Variants in MSRA observed in about 807,000 individuals in gnomAD.
The protein encoded by MSRA is methionine sulfoxide reductase A, also known as mitochondrial peptide methionine sulfoxide reductase.
In MSRA, 54 loss-of-function variants were observed where a neutral mutation model predicts 31.3. That is an observed-to-expected ratio of 1.73 (90% confidence interval 1.39 to 2.17). The LOEUF (loss-of-function observed/expected upper bound fraction) is 2.17. Among genes scored for constraint, MSRA ranks in the 30% most tolerant of loss-of-function variants. The probability of loss-of-function intolerance (pLI) is 0.00; values close to 1 mark genes in which losing one functional copy is unlikely to be tolerated. For synonymous variants in MSRA, 169 were observed against 116.5 expected (o/e 1.45, Z -2.90); for missense variants, 507 against 300.9 (o/e 1.69, Z -5.07).
Position 10,112,975 on chromosome 8 carries a change from C to A in MSRA, c.142+58317C>A, listed in dbSNP as rs1415750489. On this transcript the variant is annotated intron_variant, in intron 1 of 5. Transcript: ENST00000317173. ...CACCCCGTCTAACATGGCTCCTTAC[C>A]CCTGCTGGTCCATAACAGTGTCACC... Among the ~76,000 whole-genome samples the A allele has an allele frequency of 2.6e-5, 4 of 152,222 alleles. No homozygotes were observed. In the East Asian group the frequency reaches 7.8e-4, roughly 30 times the overall value.
At chr8:10,084,251 C>T (rs1368723910) in intron 1 of MSRA, among the ~76,000 whole-genome samples, 1 of 152,202 alleles carries the variant, frequency 6.6e-6, no homozygotes, top group African/African-American at 2.4e-5. Context: ...CATTTCTGAC[C>T]TGGGCCTTAG....
chr8:10,361,578 G>A (rs1322762481), intron 5 of MSRA, among the ~76,000 whole-genome samples: 1 of 152,058 alleles, frequency 6.6e-6, no homozygotes, highest in Non-Finnish European at 1.5e-5. Flanking sequence ...CTGCAAACTC[G>A]GGATGTAAAC....
At chr8:10,134,907 C>T (rs776460866) in intron 1 of MSRA, among the ~76,000 whole-genome samples, 8 of 152,184 alleles carry the variant, frequency 5.3e-5, no homozygotes, top group Non-Finnish European at 7.3e-5. Flanking sequence ...GCTCTTGCCC[C>T]GGAGTGTTTG....
intron 3 of MSRA, among the ~76,000 whole-genome samples, chr8:10,286,431 C>A (rs1292471722): frequency 6.6e-5 from 10 of 152,178 alleles, no homozygotes; most frequent in African/African-American, 2.4e-4. Context: ...CCTGCTGCCG[C>A]CGCCATCCAT....
intron 1 of MSRA, among the ~76,000 whole-genome samples, chr8:10,198,766 G>A (rs1484647): frequency 0.31 from 47,838 of 151,982 alleles, 8,497 homozygotes; most frequent in East Asian, 0.44. Flanking sequence ...TGGGACCACA[G>A]GTGCACACCA....
chr8:10,101,383 A>T (rs915226721), intron 1 of MSRA, among the ~76,000 whole-genome samples: 12 of 152,198 alleles, frequency 7.9e-5, no homozygotes, highest in Non-Finnish European at 1.6e-4. Flanking sequence ...GTGATAAAAT[A>T]TGCATAACAT....
At chr8:10,229,625 G>A (rs965435798) in intron 2 of MSRA, among the ~76,000 whole-genome samples, 3 of 152,086 alleles carry the variant, frequency 2.0e-5, no homozygotes, top group East Asian at 1.9e-4. Context: ...GAGTGGACAC[G>A]AACGCTTACT....
intron 5 of MSRA, among the ~76,000 whole-genome samples, chr8:10,348,386 CAG>C (rs1226551324): frequency 3.0e-5 from 2 of 65,636 alleles, no homozygotes; most frequent in Admixed American, 2.5e-4. Context: ...TTTTTTTGGA[CAG>C]AGTCTTGCTC....
At chr8:10,212,177 ACT>A (rs1809561558) in intron 2 of MSRA, among the ~76,000 whole-genome samples, 1 of 151,410 alleles carries the variant, frequency 6.6e-6, no homozygotes, top group Non-Finnish European at 1.5e-5. Flanking sequence ...ACAGAGCGAG[ACT>A]CTGTCTAAAA....
chr8:10,281,216 C>T (rs1397598964), intron 3 of MSRA, among the ~76,000 whole-genome samples: 3 of 152,174 alleles, frequency 2.0e-5, no homozygotes, highest in East Asian at 1.9e-4. Flanking sequence ...ACCAAAATCA[C>T]CAATAAATTA....
chr8:10,110,226 G>T (rs1428462988), intron 1 of MSRA, among the ~76,000 whole-genome samples: 1 of 152,166 alleles, frequency 6.6e-6, no homozygotes, highest in African/African-American at 2.4e-5. Flanking sequence ...AAACAAGAAA[G>T]GTTTGGACTG....
chr8:10,336,946 G>T (rs1803085575), intron 5 of MSRA: 1 of 152,142 alleles, frequency 6.6e-6, no homozygotes, highest in African/African-American at 2.4e-5. Context: ...CCTTTCTCTG[G>T]TAGCAGGGCT....
chr8:10,303,849 A>C (rs1800981396), intron 4 of MSRA, among the ~76,000 whole-genome samples: 1 of 152,256 alleles, frequency 6.6e-6, no homozygotes, highest in African/African-American at 2.4e-5. Context: ...ACAGTAACAA[A>C]AATCCTTACT....
At chr8:10,385,810 G>T (rs533311337) in intron 5 of MSRA, among the ~76,000 whole-genome samples, 1 of 149,596 alleles carries the variant, frequency 6.7e-6, no homozygotes, top group Admixed American at 6.7e-5. Context: ...CCTGGTGGGG[G>T]GTGGGGTGTC....
intron 4 of MSRA, among the ~76,000 whole-genome samples, chr8:10,310,421 T>G (rs543845597): frequency 6.6e-6 from 1 of 152,258 alleles, no homozygotes. Context: ...TCATAGTATC[T>G]TTGCTGTTTG....
In MSRA at chr8:10,352,881, G is replaced by A. The variant is rs189856376; in HGVS notation, c.543+32892G>A. On this transcript the variant is annotated intron_variant, in intron 5 of 5. Transcript: ENST00000317173. ...GGCTATATTTTTCTTTTAAAAAATC[G>A]GCTCTGTCTTGCAACATATCAGAGC... 5.6e-4 allele frequency among the ~76,000 whole-genome samples: 85 copies of A among 152,144 alleles called. 1 individual carries two copies. The highest frequency in any genetic ancestry group is 9.6e-4 in the Non-Finnish European group (65 of 67,988).
At chr8:10,201,434 C>G (rs1808492584) in intron 1 of MSRA, among the ~76,000 whole-genome samples, 1 of 152,158 alleles carries the variant, frequency 6.6e-6, no homozygotes. Flanking sequence ...GCTGCTGTTC[C>G]TGGAATCTCC....
chr8:10,232,528 T>TA (rs1811582071), intron 2 of MSRA, among the ~76,000 whole-genome samples: 1 of 152,206 alleles, frequency 6.6e-6, no homozygotes, highest in African/African-American at 2.4e-5. Context: ...TAGGTATTTT[T>TA]AGAGAATCAC....
intron 5 of MSRA, among the ~76,000 whole-genome samples, chr8:10,423,606 C>T (rs1364552597): frequency 1.3e-5 from 2 of 152,182 alleles, no homozygotes; most frequent in Non-Finnish European, 2.9e-5. Context: ...CCCCACTCTC[C>T]CTGCAGAAGA....
Sources: allele counts gnomAD v4.1 joint callset (sites outside exome capture counted in the v4.1 genomes callset), GRCh38; gene constraint gnomAD v4.1.1; transcripts MANE v1.5; gene names NCBI Gene and HGNC (gene_info 2026-07-23, HGNC 2026-07-21).